Variants in LTB4R observed in about 807,000 individuals in gnomAD.
LTB4R encodes leukotriene B4 receptor.
For missense variants in LTB4R, 470 were observed against 485.6 expected (o/e 0.97, Z 0.30); for synonymous variants, 250 against 230.7 (o/e 1.08, Z -0.76).
rs770424761 is a variant in LTB4R at position 24,316,119 on chromosome 14, C to T, written c.468C>T (p.Arg156=). 1.9e-6 allele frequency: 3 copies of T among 1,613,796 alleles called. No homozygotes were observed. The South Asian group carries it at 3.3e-5, about 18-fold the overall frequency. ...TGGCCACACCCGTCCTCGCGTACCG[C>T]ACAGTAGTGCCCTGGAAAACGAACA... ...FLLATPVLAY[R]TVVPWKTNMS... The change falls in exon 2 of 2, where the codon CGC becomes CGT. Residue 156 remains arginine, a synonymous_variant. Transcript: ENST00000345363.
Position 24,316,389 on chromosome 14 carries a change from C to T in LTB4R, c.738C>T (p.Gly246=). Reference sequence around the variant, plus strand: ...ACGTGGTGAACCTGGCTGAGGCGGGCCGCGCGCTGGCCGGCCAGGCCGCCG... The same window carrying T: ...ACGTGGTGAACCTGGCTGAGGCGGGTCGCGCGCTGGCCGGCCAGGCCGCCG... ...PYHVVNLAEA[G]RALAGQAAGL... Residue 246 remains glycine, a synonymous_variant, in exon 2 of 2, where the codon GGC becomes GGT. Transcript: ENST00000345363. 6.3e-7 allele frequency: 1 copy of T among 1,587,108 alleles called. No homozygotes were observed. Among genetic ancestry groups the T allele is most frequent in the Non-Finnish European group, 8.5e-7 (1 of 1,171,226 alleles).
intron 1 of LTB4R, 83 bp from the exon 2 acceptor site, chr14:24,315,554 G>T (rs1205191258): frequency 4.8e-6 from 4 of 834,198 alleles, no homozygotes; most frequent in Non-Finnish European, 7.7e-6. Context: ...AGATAGACTA[G>T]AGTTCTCAGC....
In LTB4R at chr14:24,316,338, C is replaced by G; in HGVS notation, c.687C>G (p.Thr229=). ...TGRLVVLIIL[T]FAAFWLPYHV... is the part of the protein sequence containing the mutation. ...GCCTGGTGGTGCTCATCATCCTGACCTTCGCCGCCTTCTGGCTGCCCTACC... is the reference window on the plus strand; with the variant it reads ...GCCTGGTGGTGCTCATCATCCTGACGTTCGCCGCCTTCTGGCTGCCCTACC... The change falls in exon 2 of 2, where the codon ACC becomes ACG. Residue 229 remains threonine (T), a synonymous_variant. Transcript: ENST00000345363. 6.3e-7 allele frequency: 1 copy of G among 1,596,878 alleles called. No individual in the cohort carries two copies. Among genetic ancestry groups the G allele is most frequent in the Non-Finnish European group, 8.5e-7 (1 of 1,174,448 alleles).
Position 24,315,064 on chromosome 14 carries a change from AGT to A in LTB4R, c.-15-569_-15-568del, listed in dbSNP as rs983285958. The A allele has an allele frequency of 2.0e-5, 3 of 153,340 alleles. No individual in the cohort carries two copies. In the East Asian group the frequency reaches 5.8e-4, roughly 30 times the overall value. The allele number at this position is 153,340 out of a possible 1,614,324, so 9.5% of individuals were successfully genotyped here. ...GCCGTGGTTGTGGTGGTGGTGGGAC[AGT>A]GTGCAGCCATGAAAGAAGGTGCAAA... is the stretch of plus-strand genomic sequence containing the variant. On this transcript the variant is annotated intron_variant, in intron 1 of 1. Coordinates refer to ENST00000345363, the MANE Select transcript of LTB4R (RefSeq NM_001143919.3).
intron 1 of LTB4R, chr14:24,314,674 C>T (rs2041753641): frequency 1.3e-5 from 2 of 153,250 alleles, no homozygotes; most frequent in African/African-American, 4.8e-5. Flanking sequence ...CACACCCAGC[C>T]TTCTCACTCC....
intron 1 of LTB4R, 134 bp from the exon 2 acceptor site, chr14:24,315,503 G>T (rs1392936833): frequency 1.6e-6 from 1 of 618,952 alleles, no homozygotes; most frequent in East Asian, 2.7e-5. Flanking sequence ...AGCGATGGGG[G>T]CAGTATATTT....
Position 24,316,503 on chromosome 14 carries a change from G to A in LTB4R, c.852G>A (p.Leu284=), listed in dbSNP as rs752552509. 4 of 1,510,160 alleles carry A rather than the reference G, an allele frequency of 2.6e-6. No homozygotes were observed. In the East Asian group the frequency reaches 7.9e-5, roughly 30 times the overall value. The allele number at this position is 1,510,160 out of a possible 1,614,324, so 93.5% of individuals were successfully genotyped here. A position where few individuals can be genotyped will look rare whatever the true frequency, so the allele number is the denominator to read the frequency against. ...AFLSSSVNPV[L]YACAGGGLLR... ...TGAGCAGCAGCGTGAACCCCGTGCT[G>A]TACGCGTGCGCCGGCGGCGGCCTGC... is the stretch of plus-strand genomic sequence containing the variant. Residue 284 remains leucine (L), a synonymous_variant, in exon 2 of 2, where the codon CTG becomes CTA. Coordinates refer to ENST00000345363, the MANE Select transcript of LTB4R (RefSeq NM_001143919.3).
At chr14:24,313,864 G>A (rs920717016) in intron 1 of LTB4R, 3 of 152,240 alleles carry the variant, frequency 2.0e-5, no homozygotes, top group Non-Finnish European at 2.9e-5. Context: ...GGGATTACCG[G>A]TATGAACCAC....
chr14:24,314,250 C>A (rs1245246277), intron 1 of LTB4R: 1 of 152,126 alleles, frequency 6.6e-6, no homozygotes, highest in Non-Finnish European at 1.5e-5. Context: ...ACCAAGGAGA[C>A]CATTTGGATT....
Position 24,317,202 on chromosome 14 carries a change from C to G in LTB4R, c.*492C>G, listed in dbSNP as rs954474343. 6.0e-6 allele frequency: 1 copy of G among 168,052 alleles called. No homozygotes were observed. Among genetic ancestry groups the G allele is most frequent in the Non-Finnish European group, 1.5e-5 (1 of 68,804 alleles). 10.4% of individuals were successfully genotyped at this position (168,052 alleles called of 1,614,324 possible). On this transcript the variant is annotated 3_prime_UTR_variant, in exon 2 of 2. Transcript: ENST00000345363. ...AGACCACCCATGTGGGCTTATCACT[C>G]CAGGTTCTGTGACCCGGGACCTTCT...
At position 24,311,511 on chromosome 14, in the gene LTB4R, G is replaced by T. The variant is rs771577157; in HGVS notation, c.-309G>T. The T allele has an allele frequency of 2.2e-5, 35 of 1,602,602 alleles. No homozygotes were observed. The highest frequency in any genetic ancestry group is 3.3e-5 in the Admixed American group (2 of 60,008). On this transcript the variant is annotated 5_prime_UTR_variant, in exon 1 of 2. Transcript: ENST00000345363. ...GGCCTTGGCCTTCTTCAGTTCTAGC[G>T]TCAACCCGGTGCTCTACGTCTTCAC...
Position 24,316,008 on chromosome 14 carries a change from G to C in LTB4R, c.357G>C (p.Val119=). 3 of 1,613,888 alleles carry C rather than the reference G, an allele frequency of 1.9e-6. No individual in the cohort carries two copies. Among genetic ancestry groups the C allele is most frequent in the Non-Finnish European group, 2.5e-6 (3 of 1,180,044 alleles). Reference sequence around the variant, plus strand: ...TGAGTCTAGACCGCTCACTGGCGGTGGCCCGCCCCTTTGTGTCCCAGAAGC... The same window carrying C: ...TGAGTCTAGACCGCTCACTGGCGGTCGCCCGCCCCTTTGTGTCCCAGAAGC... ...TAMSLDRSLA[V]ARPFVSQKLR... The change falls in exon 2 of 2, where the codon GTG becomes GTC. Residue 119 remains valine, a synonymous_variant. Transcript: ENST00000345363.
At position 24,316,314 on chromosome 14, in the gene LTB4R, C is replaced by T. The variant is rs777455355; in HGVS notation, c.663C>T (p.Arg221=). Residue 221 remains arginine (R), a synonymous_variant, in exon 2 of 2, where the codon CGC becomes CGT. Coordinates refer to ENST00000345363, the MANE Select transcript of LTB4R (RefSeq NM_001143919.3). The part of the protein sequence containing the change: ...RRFRRSRRTG[R]LVVLIILTFA... ...TCCGCCGCAGCCGCCGCACCGGCCG[C>T]CTGGTGGTGCTCATCATCCTGACCT... The T allele has an allele frequency of 6.2e-7, 1 of 1,601,538 alleles. No homozygotes were observed. The highest frequency in any genetic ancestry group is 1.3e-5 in the African/African-American group (1 of 74,700).
In LTB4R at chr14:24,316,862, A is replaced by AAGTGAGGGCCG; in HGVS notation, c.*159_*169dup. On this transcript the variant is annotated 3_prime_UTR_variant, in exon 2 of 2. Transcript: ENST00000345363. ...TGGAAGAAGAGGGAGAGGTGGAGCA[A>AAGTGAGGGCCG]AGTGAGGGCCGAGTGAGAGCGTGCT... 1.7e-6 allele frequency: 1 copy of AAGTGAGGGCCG among 576,262 alleles called. No homozygotes were observed. Among genetic ancestry groups the AAGTGAGGGCCG allele is most frequent in the Non-Finnish European group, 2.9e-6 (1 of 347,248 alleles). 35.7% of individuals were successfully genotyped at this position (576,262 alleles called of 1,614,324 possible). A position where few individuals can be genotyped will look rare whatever the true frequency, so the allele number is the denominator to read the frequency against.
rs2041763402 is a variant in LTB4R, at chr14:24,315,850, G to A, written c.199G>A (p.Val67Ile). 2 of 1,614,230 alleles carry A rather than the reference G, an allele frequency of 1.2e-6. No homozygotes were observed. The highest frequency in any genetic ancestry group is 1.7e-6 in the Non-Finnish European group (2 of 1,180,044). The change falls in exon 2 of 2, where the codon GTA becomes ATA. Residue 67 changes from valine to isoleucine, a missense_variant. Physicochemically the swap from Val to Ile is conservative, Grantham distance 29. Transcript: ENST00000345363. The part of the protein sequence containing the change: ...VLNLALADLA[V>I]LLTAPFFLHF... The stretch of plus-strand genomic sequence containing the variant: ...GAACCTGGCCCTGGCCGACCTGGCC[G>A]TATTGCTCACTGCTCCCTTTTTCCT...
At chr14:24,312,066 G>A in intron 1 of LTB4R, 1 of 299,598 alleles carries the variant, frequency 3.3e-6, no homozygotes. Context: ...GCTTCCCCTG[G>A]TGGTTCTTCA....
chr14:24,316,883 G>T lies in LTB4R; in HGVS notation c.*173G>T. Reference sequence around the variant, plus strand: ...AGCAAAGTGAGGGCCGAGTGAGAGCGTGCTCCAGCCTGGCTCCCACAGGCA... The same window carrying T: ...AGCAAAGTGAGGGCCGAGTGAGAGCTTGCTCCAGCCTGGCTCCCACAGGCA... On this transcript the variant is annotated 3_prime_UTR_variant, in exon 2 of 2. Transcript: ENST00000345363. 3.8e-6 allele frequency: 2 copies of T among 524,334 alleles called. No homozygotes were observed. Among genetic ancestry groups the T allele is most frequent in the Middle Eastern group, 1.1e-3 (2 of 1,856 alleles). 32.5% of individuals were successfully genotyped at this position (524,334 alleles called of 1,614,324 possible). A position where few individuals can be genotyped will look rare whatever the true frequency, so the allele number is the denominator to read the frequency against.
At chr14:24,311,841 C>T in intron 1 of LTB4R, 37 bp downstream of exon 1, 2 of 1,129,308 alleles carry the variant, frequency 1.8e-6, no homozygotes, top group Non-Finnish European at 2.5e-6. Flanking sequence ...CCTTCTTTGA[C>T]TAGAGTTTGG....
rs1306517533 is a variant in LTB4R, at chr14:24,315,978, G to T, written c.327G>T (p.Thr109=). ...TGTACGCCAGCGTCCTGCTTATCAC[G>T]GCCATGAGTCTAGACCGCTCACTGG... is the stretch of plus-strand genomic sequence containing the variant. The part of the protein sequence containing the change: ...VSMYASVLLI[T]AMSLDRSLAV... The change falls in exon 2 of 2, where the codon ACG becomes ACT. Residue 109 remains threonine (T), a synonymous_variant. Coordinates refer to ENST00000345363, the MANE Select transcript of LTB4R (RefSeq NM_001143919.3). 1 of 1,614,010 alleles carries T rather than the reference G, an allele frequency of 6.2e-7. No homozygotes were observed. The highest frequency in any genetic ancestry group is 1.3e-5 in the African/African-American group (1 of 75,068).
Sources: allele counts gnomAD v4.1 joint callset, GRCh38; gene constraint gnomAD v4.1.1; transcripts MANE v1.5; gene names NCBI Gene and HGNC (gene_info 2026-07-23, HGNC 2026-07-21).